Variants in IGFBP7 observed in about 807,000 individuals in gnomAD.
The protein encoded by IGFBP7 is insulin-like growth factor-binding protein 7.
In IGFBP7, 31 loss-of-function variants were observed where a neutral mutation model predicts 29.4. The ratio of observed to expected loss-of-function variants is 1.05; its 90% CI spans 0.79 to 1.42. The LOEUF is 1.42. Among genes scored for constraint, IGFBP7 ranks in the 40% most tolerant of loss-of-function variants. The pLI is 0.00. For synonymous variants in IGFBP7, 172 were observed against 174.9 expected (o/e 0.98, Z 0.13); for missense variants, 393 against 395.5 (o/e 0.99, Z 0.05).
intron 1 of IGFBP7, among the ~76,000 whole-genome samples, chr4:57,041,450 A>C (rs867304314): frequency 3.3e-5 from 5 of 152,236 alleles, no homozygotes; most frequent in African/African-American, 1.2e-4. Flanking sequence ...AAGGTTGAAA[A>C]GGGTGATGAG....
chr4:57,107,122 C>G (rs1283182257), intron 1 of IGFBP7, among the ~76,000 whole-genome samples: 2 of 152,156 alleles, frequency 1.3e-5, no homozygotes, highest in Non-Finnish European at 2.9e-5. Flanking sequence ...GGCAAGTGCT[C>G]TGGGAGGTGA....
Position 57,046,180 on chromosome 4 carries a change from C to T in IGFBP7, c.476-5247G>A, listed in dbSNP as rs147277157. 6.1e-3 allele frequency among the ~76,000 whole-genome samples: 925 copies of T among 152,174 alleles called. 11 individuals carry two copies. Among genetic ancestry groups the T allele is most frequent in the African/African-American group, 0.021 (871 of 41,534 alleles). On this transcript the variant is annotated intron_variant, in intron 1 of 4. Transcript: ENST00000295666. ...AGAGAAGAGATGCTGAAAATGTTTT[C>T]GGTGGATACAATGCCAGCCCCAACA... is the stretch of plus-strand genomic sequence containing the variant.
At chr4:57,099,761 CCTT>C (rs1290234510) in intron 1 of IGFBP7, among the ~76,000 whole-genome samples, 6 of 152,162 alleles carry the variant, frequency 3.9e-5, no homozygotes, top group African/African-American at 2.4e-5. Context: ...GACAGGGTCT[CCTT>C]CTGTCATCCA....
intron 2 of IGFBP7, among the ~76,000 whole-genome samples, chr4:57,037,863 C>G (rs1724121090): frequency 6.6e-6 from 1 of 152,168 alleles, no homozygotes; most frequent in Non-Finnish European, 1.5e-5. Flanking sequence ...CTCCACCTCC[C>G]CACACCCTGA....
At chr4:57,056,163 G>A (rs1423959516) in intron 1 of IGFBP7, among the ~76,000 whole-genome samples, 1 of 152,064 alleles carries the variant, frequency 6.6e-6, no homozygotes, top group African/African-American at 2.4e-5. Context: ...TTTCTGAGCC[G>A]TTTTGTGATG....
chr4:57,069,579 G>T (rs2109773981), intron 1 of IGFBP7, among the ~76,000 whole-genome samples: 1 of 152,226 alleles, frequency 6.6e-6, no homozygotes, highest in Middle Eastern at 3.4e-3. Flanking sequence ...TAGAAGCATT[G>T]CTTGACTCCA....
At chr4:57,095,984 C>T (rs145019134) in intron 1 of IGFBP7, among the ~76,000 whole-genome samples, 12 of 152,008 alleles carry the variant, frequency 7.9e-5, no homozygotes, top group East Asian at 5.8e-4. Context: ...ATCCCAAGGA[C>T]GGTTTAGACA....
chr4:57,078,287 T>C (rs1342387597), intron 1 of IGFBP7, among the ~76,000 whole-genome samples: 2 of 152,048 alleles, frequency 1.3e-5, no homozygotes, highest in African/African-American at 4.8e-5. Flanking sequence ...CACAGAAAGG[T>C]CGAGTAACTT....
At chr4:57,072,327 C>A (rs1241372121) in intron 1 of IGFBP7, among the ~76,000 whole-genome samples, 1 of 152,108 alleles carries the variant, frequency 6.6e-6, no homozygotes, top group Non-Finnish European at 1.5e-5. Flanking sequence ...AAGACACGAT[C>A]TCATTCTTTT....
intron 1 of IGFBP7, among the ~76,000 whole-genome samples, chr4:57,106,198 G>A (rs536030839): frequency 3.9e-5 from 6 of 152,236 alleles, no homozygotes; most frequent in Middle Eastern, 3.4e-3. Flanking sequence ...GAGCCATGGC[G>A]CCTGGCTGCC....
Position 57,110,177 on chromosome 4 carries a change from A to G in IGFBP7, c.175T>C (p.Cys59Arg). Residue 59 changes from cysteine to arginine, a missense_variant, in exon 1 of 5, where the codon TGC (cysteine) becomes CGC (arginine). Physicochemically the swap from Cys to Arg is radical, Grantham distance 180. Transcript: ENST00000295666. ...TCGCCGCGGGCGCACATAGGGCAGCAGCCGCACGCGTCGCGGGTCTCGCCC... is the reference window on the plus strand; with the variant it reads ...TCGCCGCGGGCGCACATAGGGCAGCGGCCGCACGCGTCGCGGGTCTCGCCC... The part of the protein sequence containing the change: ...LLGETRDACG[C>R]CPMCARGEGE... 1 of 1,403,904 alleles carries G rather than the reference A, an allele frequency of 7.1e-7. No individual in the cohort carries two copies. The highest frequency in any genetic ancestry group is 9.2e-7 in the Non-Finnish European group (1 of 1,088,848). The allele number at this position is 1,403,904 out of a possible 1,614,324, so 87.0% of individuals were successfully genotyped here.
In IGFBP7 at chr4:57,086,310, T is replaced by C. The variant is rs151321875; in HGVS notation, c.475+23567A>G. On this transcript the variant is annotated intron_variant, in intron 1 of 4. Coordinates refer to ENST00000295666, the MANE Select transcript of IGFBP7 (RefSeq NM_001553.3). ...TGGAGATTATGGAGTTACAATTCAATGTGAGATTTGGGTGGGAACACAGCC... is the reference window on the plus strand; with the variant it reads ...TGGAGATTATGGAGTTACAATTCAACGTGAGATTTGGGTGGGAACACAGCC... Among the ~76,000 whole-genome samples the C allele has an allele frequency of 3.1e-3, 478 of 152,274 alleles. 3 individuals carry two copies. Among genetic ancestry groups the C allele is most frequent in the African/African-American group, 1.0e-2 (414 of 41,550 alleles).
chr4:57,034,650 T>G (rs1214440567), intron 2 of IGFBP7, among the ~76,000 whole-genome samples: 1 of 152,160 alleles, frequency 6.6e-6, no homozygotes, highest in African/African-American at 2.4e-5. Flanking sequence ...TACCATGTGT[T>G]TTTTGGTACT....
intron 1 of IGFBP7, among the ~76,000 whole-genome samples, chr4:57,045,208 A>G (rs1182793361): frequency 1.3e-5 from 2 of 152,182 alleles, no homozygotes; most frequent in Non-Finnish European, 2.9e-5. Context: ...CCACCAGGCT[A>G]TTTCTAGAAT....
chr4:57,038,635 A>G (rs911696947), intron 2 of IGFBP7, among the ~76,000 whole-genome samples: 4 of 152,220 alleles, frequency 2.6e-5, no homozygotes, highest in African/African-American at 9.6e-5. Context: ...CTGGAGAAGT[A>G]AGGCAGCTTA....
chr4:57,040,782 G>A (rs1235185136), intron 2 of IGFBP7, 42 bp downstream of exon 2: 7 of 1,329,652 alleles, frequency 5.3e-6, no homozygotes, highest in Non-Finnish European at 7.6e-6. Flanking sequence ...TGCAAGAGAA[G>A]CTTGTCAGCC....
At chr4:57,074,479 A>G (rs1725173517) in intron 1 of IGFBP7, among the ~76,000 whole-genome samples, 1 of 152,214 alleles carries the variant, frequency 6.6e-6, no homozygotes, top group African/African-American at 2.4e-5. Context: ...TCTACTTCCC[A>G]TTCAGGGGAG....
At chr4:57,072,741 T>G in intron 1 of IGFBP7, 1 of 487,736 alleles carries the variant, frequency 2.1e-6, no homozygotes. Context: ...GACACAGGGA[T>G]TTCTGCCTTG....
At chr4:57,072,198 T>C (rs1725068595) in intron 1 of IGFBP7, among the ~76,000 whole-genome samples, 1 of 152,054 alleles carries the variant, frequency 6.6e-6, no homozygotes, top group Non-Finnish European at 1.5e-5. Flanking sequence ...CTTTTTTGGG[T>C]TCATGAGTTC....
Sources: gnomAD v4.1 joint callset for allele counts (sites outside exome capture counted in the v4.1 genomes callset) on GRCh38, gnomAD v4.1.1 for gene constraint, MANE v1.5 for transcripts, NCBI Gene and HGNC (gene_info 2026-07-23, HGNC 2026-07-21) for gene names.